Variants in ATAD2B observed in about 807,000 individuals in gnomAD.
ATAD2B encodes ATPase family AAA domain containing 2B, also known as ATPase family AAA domain-containing protein 2B.
In ATAD2B, 40 loss-of-function variants were observed where a neutral mutation model predicts 167.6. That is an observed-to-expected ratio of 0.24 (90% CI 0.19 to 0.31). The LOEUF is 0.31. ATAD2B is among the 10% of genes least tolerant of loss of function. The pLI, the probability that ATAD2B is intolerant of heterozygous loss-of-function variation, is 1.00. For synonymous variants in ATAD2B, 579 were observed against 596.5 expected (o/e 0.97, Z 0.43); for missense variants, 1,242 against 1,757.2 (o/e 0.71, Z 5.24).
At chr2:23,856,500 AG>A (rs1693437077) in intron 13 of ATAD2B, 2 of 382,660 alleles carry the variant, frequency 5.2e-6, no homozygotes, top group South Asian at 4.0e-5. Flanking sequence ...AATAAATAGT[AG>A]TATACACACA....
chr2:23,918,511 C>A (rs1703412548), intron 1 of ATAD2B, among the ~76,000 whole-genome samples: 1 of 152,048 alleles, frequency 6.6e-6, no homozygotes, highest in Non-Finnish European at 1.5e-5. Flanking sequence ...GTACAATATG[C>A]CTGCTCCTCT....
At chr2:23,801,767 G>C (rs920702677) in intron 18 of ATAD2B, among the ~76,000 whole-genome samples, 8 of 151,508 alleles carry the variant, frequency 5.3e-5, no homozygotes, top group African/African-American at 1.7e-4. Flanking sequence ...AAATATTAAA[G>C]ATATTAAAGG....
At chr2:23,712,570 A>G in the ATAD2B span, among the ~76,000 whole-genome samples, 14 of 152,212 alleles carry the variant, frequency 9.2e-5, no homozygotes, top group South Asian at 2.1e-4. Flanking sequence ...GGAGAACAGC[A>G]TAAGTGCTGA....
At chr2:23,724,236 TAATA>T in the ATAD2B span, among the ~76,000 whole-genome samples, 8 of 152,252 alleles carry the variant, frequency 5.3e-5, no homozygotes, top group African/African-American at 1.9e-4. Flanking sequence ...TAGTTAACAA[TAATA>T]TATAGTTTCA....
chr2:23,816,434 T>A (rs1192018732), intron 17 of ATAD2B, among the ~76,000 whole-genome samples: 1 of 152,176 alleles, frequency 6.6e-6, no homozygotes, highest in East Asian at 1.9e-4. Context: ...ATATCCAAAG[T>A]GTAAGATAAT....
chr2:23,703,801 C>T, the ATAD2B span: 14 of 1,537,372 alleles, frequency 9.1e-6, no homozygotes, highest in Non-Finnish European at 1.2e-5. Flanking sequence ...CCACCATCTA[C>T]GACCCTGAGA....
chr2:23,853,127 T>TA (rs1692835275), intron 13 of ATAD2B, among the ~76,000 whole-genome samples: 1 of 152,144 alleles, frequency 6.6e-6, no homozygotes, highest in African/African-American at 2.4e-5. Context: ...ATGAAAAACT[T>TA]AGTTAAAATC....
rs1375422444 is a variant in ATAD2B at position 23,902,450 on chromosome 2, C to A, written c.217-6480G>T. Among the ~76,000 whole-genome samples, 4 of 152,300 alleles carry A rather than the reference C, an allele frequency of 2.6e-5. No homozygotes were observed. The East Asian group carries it at 5.8e-4, about 22-fold the overall frequency. ...ACTTCAAGCTTTGGGAAAGCTTCTA[C>A]CTACAAACCTGATGCTAACAATTCA... On this transcript the variant is annotated intron_variant, in intron 1 of 27. Transcript: ENST00000238789.
At chr2:23,823,126 G>A in intron 16 of ATAD2B, 132 bp downstream of exon 16, 1 of 788,864 alleles carries the variant, frequency 1.3e-6, no homozygotes, top group Non-Finnish European at 2.0e-6. Context: ...AATATGCCAG[G>A]CCTGGAATAT....
chr2:23,783,938 A>G lies in ATAD2B; in HGVS notation c.2974-910T>C, dbSNP rs536137254. ...TTTAAATTTACACATTCACACACAC[A>G]CGCACATATATGTAATTTATATGTT... is the stretch of plus-strand genomic sequence containing the variant. On this transcript the variant is annotated intron_variant, in intron 21 of 27. Transcript: ENST00000238789. Among the ~76,000 whole-genome samples, 5 of 152,188 alleles carry G rather than the reference A, an allele frequency of 3.3e-5. No homozygotes were observed. The East Asian group carries it at 5.8e-4, about 18-fold the overall frequency.
rs1048747568 is a variant in ATAD2B at position 23,750,765 on chromosome 2, G to A, written c.*1281C>T. The A allele has an allele frequency of 3.9e-5, 6 of 152,130 alleles. No individual in the cohort carries two copies. Among genetic ancestry groups the A allele is most frequent in the African/African-American group, 1.2e-4 (5 of 41,440 alleles). 9.4% of individuals were successfully genotyped at this position (152,130 alleles called of 1,614,324 possible). ...CTGCCTAGACTGTGTCTCCAAATTT[G>A]TAGAAAGTTTTTGTAAAACTAGTAA... On this transcript the variant is annotated 3_prime_UTR_variant, in exon 28 of 28. Coordinates refer to ENST00000238789, the MANE Select transcript of ATAD2B (RefSeq NM_017552.4).
the ATAD2B span, among the ~76,000 whole-genome samples, chr2:23,736,687 C>A: frequency 1.3e-5 from 2 of 152,130 alleles, no homozygotes; most frequent in African/African-American, 4.8e-5. Flanking sequence ...GAGTGCCAGA[C>A]AGTAGGTGCA....
chr2:23,873,834 C>T (rs1390219575), intron 8 of ATAD2B, among the ~76,000 whole-genome samples: 1 of 152,088 alleles, frequency 6.6e-6, no homozygotes, highest in Non-Finnish European at 1.5e-5. Context: ...ATACAAATAA[C>T]AATAATACAA....
intron 8 of ATAD2B, chr2:23,872,306 C>T: frequency 1.9e-6 from 1 of 539,284 alleles, no homozygotes; most frequent in South Asian, 1.6e-5. Flanking sequence ...GTCTCTTCAT[C>T]CCCCAGGAAC....
chr2:23,854,308 C>A (rs1047973534), intron 13 of ATAD2B, among the ~76,000 whole-genome samples: 4 of 151,994 alleles, frequency 2.6e-5, no homozygotes, highest in South Asian at 2.1e-4. Flanking sequence ...AAACTATCTA[C>A]AAAAATTAAC....
intron 8 of ATAD2B, among the ~76,000 whole-genome samples, chr2:23,870,285 C>CTTTTTTTTTTTT (rs5829912): frequency 1.9e-5 from 2 of 105,676 alleles, no homozygotes; most frequent in Non-Finnish European, 3.6e-5. Flanking sequence ...CAGTAACCAA[C>CTTTTTTTTTTTT]TTTTTTTTTT....
intron 8 of ATAD2B, among the ~76,000 whole-genome samples, chr2:23,870,974 A>T (rs1474104845): frequency 6.6e-6 from 1 of 152,200 alleles, no homozygotes; most frequent in African/African-American, 2.4e-5. Flanking sequence ...CACCTAAAAA[A>T]TACTATAATA....
intron 2 of ATAD2B, among the ~76,000 whole-genome samples, chr2:23,895,355 T>C (rs557069992): frequency 6.6e-6 from 1 of 152,200 alleles, no homozygotes; most frequent in Admixed American, 6.5e-5. Context: ...TTAAGTTTTC[T>C]TGATACATAC....
rs149936180 is a variant in ATAD2B at position 23,760,181 on chromosome 2, G to C, written c.3394+2028C>G. On this transcript the variant is annotated intron_variant, in intron 24 of 27. Coordinates refer to ENST00000238789, the MANE Select transcript of ATAD2B (RefSeq NM_017552.4). The stretch of plus-strand genomic sequence containing the variant: ...AAATGGTCTTAATCTTTGGGAAGTA[G>C]GACTGGAGGTATTTTTCTCTTCCTT... Among the ~76,000 whole-genome samples, 819 of 152,248 alleles carry C rather than the reference G, an allele frequency of 5.4e-3. 14 individuals carry two copies. Among genetic ancestry groups the C allele is most frequent in the Middle Eastern group, 0.017 (5 of 294 alleles).
Sources: gnomAD v4.1 joint callset for allele counts (sites outside exome capture counted in the v4.1 genomes callset) on GRCh38, gnomAD v4.1.1 for gene constraint, MANE v1.5 for transcripts, NCBI Gene and HGNC (gene_info 2026-07-23, HGNC 2026-07-21) for gene names.